TNRC18: variants seen among roughly 807,000 people sequenced by gnomAD.
TNRC18 encodes the protein trinucleotide repeat-containing gene 18 protein.
Under a neutral mutation model 226.7 loss-of-function variants are expected in TNRC18, and 69 were observed. The observed-to-expected ratio is 0.30, with a 90% confidence interval of 0.25 to 0.37. The LOEUF is 0.37. TNRC18 is among the 10% of genes least tolerant of loss of function. TNRC18 has a pLI of 1.00. For synonymous variants in TNRC18, 2,449 were observed against 1,927.6 expected (o/e 1.27, Z -7.09); for missense variants, 4,754 against 4,256.6 (o/e 1.12, Z -3.25).
rs1404506618 is a variant in TNRC18, at chr7:5,387,972, T to C, written c.1852A>G (p.Thr618Ala). ...GKKSPFGGLGTMKPEPAPTSA... is the reference protein window; with the variant it reads ...GKKSPFGGLGAMKPEPAPTSA... ...GTGGGCGCAGGCTCGGGTTTCATGG[T>C]GCCCAAACCTCCAAAGGGGCTCTTC... The change falls in exon 5 of 30, where the codon ACC (threonine) becomes GCC (alanine). Residue 618 changes from threonine (T) to alanine (A), a missense_variant. Coordinates refer to ENST00000430969, the MANE Select transcript of TNRC18 (RefSeq NM_001080495.3). 4 of 1,595,732 alleles carry C rather than the reference T, an allele frequency of 2.5e-6. No homozygotes were observed. In the African/African-American group the frequency reaches 5.4e-5, roughly 21 times the overall value.
chr7:5,345,517 G>GCCTCCC lies in TNRC18; in HGVS notation c.5719+44_5719+45insGGGAGG. The GCCTCCC allele has an allele frequency of 7.9e-5, 30 of 377,744 alleles. 2 individuals carry two copies. The highest frequency in any genetic ancestry group is 7.4e-4 in the South Asian group (17 of 22,822). The allele number at this position is 377,744 out of a possible 1,614,324, so 23.4% of individuals were successfully genotyped here. On this transcript the variant is annotated intron_variant, in intron 18 of 29. Coordinates refer to ENST00000430969, the MANE Select transcript of TNRC18 (RefSeq NM_001080495.3). ...CCTGTGGGATGGGGCAATGGCGTCC[G>GCCTCCC]CCCCTCCCACCCACCCCCACCGCAG...
chr7:5,362,784 G>C lies in TNRC18; in HGVS notation c.4261C>G (p.Leu1421Val). The change falls in exon 12 of 30, where the codon CTG becomes GTG. Residue 1421 changes from leucine to valine, a missense_variant. Transcript: ENST00000430969. ...ALVARPSLES[L>V]LAAGSHMLRE... ...AGCATGTGGCTGCCAGCTGCCAGCA[G>C]ACTCTCCAGGGAGGGCCGCGCCACC... is the stretch of plus-strand genomic sequence containing the variant. The C allele has an allele frequency of 6.4e-7, 1 of 1,572,910 alleles. No individual in the cohort carries two copies. Among genetic ancestry groups the C allele is most frequent in the South Asian group, 1.2e-5 (1 of 85,600 alleles).
At chr7:5,416,085 C>A (rs1782165015) in intron 2 of TNRC18, among the ~76,000 whole-genome samples, 1 of 144,494 alleles carries the variant, frequency 6.9e-6, no homozygotes, top group Non-Finnish European at 1.5e-5. Context: ...GCACTCCAGC[C>A]TGGGCGACAG....
intron 5 of TNRC18, among the ~76,000 whole-genome samples, chr7:5,384,787 A>G (rs906256852): frequency 1.3e-5 from 2 of 152,234 alleles, no homozygotes; most frequent in Non-Finnish European, 2.9e-5. Context: ...CTTCTGTCCC[A>G]GAATAAGGCA....
At chr7:5,321,330 T>G (rs1788335206) in intron 21 of TNRC18, 140 bp from the exon 22 acceptor site, 2 of 605,930 alleles carry the variant, frequency 3.3e-6, no homozygotes. Context: ...ACGTGTGCAC[T>G]TCTTCGTCTG....
At chr7:5,359,899 A>G (rs1792852729) in intron 14 of TNRC18, among the ~76,000 whole-genome samples, 1 of 152,182 alleles carries the variant, frequency 6.6e-6, no homozygotes, top group African/African-American at 2.4e-5. Context: ...CAAAGATCAG[A>G]AACGCCAAGG....
At chr7:5,364,668 G>C (rs1454583342) in intron 11 of TNRC18, among the ~76,000 whole-genome samples, 2 of 151,252 alleles carry the variant, frequency 1.3e-5, no homozygotes, top group Non-Finnish European at 1.5e-5. Context: ...GCTGGGCATG[G>C]TGGTGACCAC....
At position 5,417,155 on chromosome 7, in the gene TNRC18, T is replaced by TA. The variant is rs571589226; in HGVS notation, c.187+3904dup. Reference sequence around the variant, plus strand: ...GGGTGACAGAGTAAAACCCTGTCTCTAAAAAAAAAAAAATTTTAAGTAACA... The same window carrying TA: ...GGGTGACAGAGTAAAACCCTGTCTCTAAAAAAAAAAAAAATTTTAAGTAACA... On this transcript the variant is annotated intron_variant, in intron 2 of 29. Coordinates refer to ENST00000430969, the MANE Select transcript of TNRC18 (RefSeq NM_001080495.3). Among the ~76,000 whole-genome samples, 161 of 112,360 alleles carry TA rather than the reference T, an allele frequency of 1.4e-3. 1 individual carries two copies. In the South Asian group the frequency reaches 0.015, roughly 10 times the overall value. The allele number at this position is 112,360 out of a possible 152,430, so 73.7% of individuals were successfully genotyped here.
chr7:5,333,235 G>A (rs1342005667), intron 18 of TNRC18, among the ~76,000 whole-genome samples, 186 bp from the exon 19 acceptor site: 1 of 152,174 alleles, frequency 6.6e-6, no homozygotes, highest in African/African-American at 2.4e-5. Flanking sequence ...CTGTCCCTAC[G>A]CCTGTCCCTA....
intron 19 of TNRC18, among the ~76,000 whole-genome samples, chr7:5,327,336 T>C (rs543155076): frequency 3.9e-5 from 6 of 152,100 alleles, no homozygotes; most frequent in African/African-American, 1.4e-4. Flanking sequence ...TTAATCCCCA[T>C]TTTGGGGGGG....
rs1788333552 is a variant in TNRC18 at position 5,321,322 on chromosome 7, G to A, written c.6443-132C>T. ...CCGGGTGGGCCTGTGGGGCTGAGACGTGTGCACTTCTTCGTCTGCCTGTGT... is the reference window on the plus strand; with the variant it reads ...CCGGGTGGGCCTGTGGGGCTGAGACATGTGCACTTCTTCGTCTGCCTGTGT... On this transcript the variant is annotated intron_variant, in intron 21 of 29. Coordinates refer to ENST00000430969, the MANE Select transcript of TNRC18 (RefSeq NM_001080495.3). 9.6e-6 allele frequency: 6 copies of A among 623,286 alleles called. No homozygotes were observed. The Admixed American group carries it at 1.0e-4, about 10-fold the overall frequency. The allele number at this position is 623,286 out of a possible 1,614,324, so 38.6% of individuals were successfully genotyped here. A position where few individuals can be genotyped will look rare whatever the true frequency, so the allele number is the denominator to read the frequency against.
chr7:5,329,554 G>A (rs1789288204), intron 19 of TNRC18, among the ~76,000 whole-genome samples: 1 of 151,704 alleles, frequency 6.6e-6, no homozygotes, highest in Admixed American at 6.6e-5. Flanking sequence ...ATGGTGGTGG[G>A]CACCTGTAAT....
At chr7:5,335,605 GAA>G (rs60546145) in intron 18 of TNRC18, among the ~76,000 whole-genome samples, 4 of 126,826 alleles carry the variant, frequency 3.2e-5, no homozygotes, top group South Asian at 2.7e-4. Flanking sequence ...ACTCCGTCTA[GAA>G]AAAAAAAAAA....
chr7:5,347,994 A>C (rs1304250485), intron 17 of TNRC18, among the ~76,000 whole-genome samples: 2 of 152,164 alleles, frequency 1.3e-5, no homozygotes, highest in Non-Finnish European at 1.5e-5. Flanking sequence ...AAACATAAAG[A>C]AGCCCCAGCC....
chr7:5,353,491 G>A (rs1275425163), intron 16 of TNRC18, among the ~76,000 whole-genome samples: 1 of 149,054 alleles, frequency 6.7e-6, no homozygotes, highest in East Asian at 2.0e-4. Context: ...CCCGGGAGGT[G>A]GAGGTTGCAG....
chr7:5,385,494 CAAAAAAAAAAAAAAA>C (rs60919833), intron 5 of TNRC18, among the ~76,000 whole-genome samples: 3 of 88,098 alleles, frequency 3.4e-5, no homozygotes, highest in Non-Finnish European at 7.1e-5. Flanking sequence ...GACTCCGTCT[CAAAAAAAAAAAAAAA>C]AAAAAAAAGA....
intron 17 of TNRC18, among the ~76,000 whole-genome samples, chr7:5,346,965 G>A (rs971606382): frequency 2.0e-5 from 3 of 152,150 alleles, no homozygotes; most frequent in Non-Finnish European, 4.4e-5. Flanking sequence ...GCCCAGGAAG[G>A]GCAGGGGTAG....
intron 2 of TNRC18, among the ~76,000 whole-genome samples, chr7:5,415,562 G>C (rs894898713): frequency 5.3e-5 from 8 of 150,970 alleles, no homozygotes; most frequent in Admixed American, 2.0e-4. Flanking sequence ...TATATTTTCA[G>C]TAGAGATGCT....
chr7:5,416,820 G>A lies in TNRC18; in HGVS notation c.187+4240C>T, dbSNP rs1782219366. ...CAGCTGGACAACATAGCAAGACCCC[G>A]TCTCTATAGAAAATTTTAAAATTAG... On this transcript the variant is annotated intron_variant, in intron 2 of 29. Transcript: ENST00000430969. Among the ~76,000 whole-genome samples, 5 of 151,586 alleles carry A rather than the reference G, an allele frequency of 3.3e-5. No homozygotes were observed. In the South Asian group the frequency reaches 8.3e-4, roughly 25 times the overall value.
Sources: allele counts gnomAD v4.1 joint callset (sites outside exome capture counted in the v4.1 genomes callset), GRCh38; gene constraint gnomAD v4.1.1; transcripts MANE v1.5; gene names NCBI Gene and HGNC (gene_info 2026-07-23, HGNC 2026-07-21).